FGGY: variants seen among roughly 807,000 people sequenced by gnomAD.
FGGY encodes FGGY carbohydrate kinase domain-containing protein.
A neutral mutation model predicts 71.3 loss-of-function variants in FGGY; 72 were observed. The observed-to-expected ratio is 1.01, with a 90% CI of 0.84 to 1.23. The LOEUF (loss-of-function observed/expected upper bound fraction) is 1.23. FGGY is among the 50% of genes most tolerant of loss of function. FGGY has a pLI of 0.00. For synonymous variants in FGGY, 251 were observed against 250.3 expected, an observed-to-expected ratio of 1.00 and a Z score of -0.02; for missense variants, 668 against 682.3, an observed-to-expected ratio of 0.98 and a Z score of 0.23.
rs79928077 is a variant in FGGY, at chr1:59,710,089, G to A, written c.1512+35956G>A. The stretch of plus-strand genomic sequence containing the variant: ...ACTCACAGATGTGTGGTCAGCAGTG[G>A]GATGGGGCAGCAGAAGACAGGGAGT... On this transcript the variant is annotated intron_variant, in intron 14 of 15. Transcript: ENST00000303721. Among the ~76,000 whole-genome samples the A allele has an allele frequency of 1.8e-3, 273 of 152,322 alleles. 2 individuals are homozygous for A. Among genetic ancestry groups the A allele is most frequent in the Middle Eastern group, 3.4e-3 (1 of 294 alleles).
At chr1:59,638,419 A>C (rs1558633936) in intron 11 of FGGY, 44 bp downstream of exon 11, 2 of 1,594,554 alleles carry the variant, frequency 1.3e-6, no homozygotes, top group Non-Finnish European at 8.5e-7. Flanking sequence ...GGCAGGCCAA[A>C]GGGCTACAAA....
intron 7 of FGGY, among the ~76,000 whole-genome samples, chr1:59,549,407 TTC>T (rs2095573852): frequency 6.6e-6 from 1 of 152,236 alleles, no homozygotes; most frequent in Non-Finnish European, 1.5e-5. Context: ...GAGAATCTTT[TTC>T]AAGATGCCAA....
chr1:59,715,008 C>T (rs998437800), intron 14 of FGGY, among the ~76,000 whole-genome samples: 1 of 152,178 alleles, frequency 6.6e-6, no homozygotes, highest in African/African-American at 2.4e-5. Flanking sequence ...ATTTTGGTGA[C>T]ATTTCTGGAT....
chr1:59,672,864 C>G (rs1273137796), intron 13 of FGGY, among the ~76,000 whole-genome samples: 1 of 152,176 alleles, frequency 6.6e-6, no homozygotes, highest in African/African-American at 2.4e-5. Context: ...ACATTATAGA[C>G]CTAAGAATCC....
At chr1:59,680,981 C>T (rs1018335193) in intron 14 of FGGY, 8 of 152,206 alleles carry the variant, frequency 5.3e-5, no homozygotes, top group African/African-American at 1.9e-4. Flanking sequence ...GTGTCCAACA[C>T]AGAAATAAAA....
chr1:59,522,944 C>G (rs1186819152), intron 7 of FGGY, among the ~76,000 whole-genome samples: 1 of 152,214 alleles, frequency 6.6e-6, no homozygotes, highest in Admixed American at 6.5e-5. Flanking sequence ...CTCTGATCAT[C>G]TCATCTACTA....
At chr1:59,449,252 C>A (rs915878743) in intron 5 of FGGY, among the ~76,000 whole-genome samples, 1 of 151,952 alleles carries the variant, frequency 6.6e-6, no homozygotes, top group Non-Finnish European at 1.5e-5. Context: ...AATATAGCCA[C>A]CTCAGCTTAT....
chr1:59,523,495 G>C (rs1558215054), intron 7 of FGGY, among the ~76,000 whole-genome samples: 1 of 152,150 alleles, frequency 6.6e-6, no homozygotes, highest in Non-Finnish European at 1.5e-5. Flanking sequence ...ATTCATATCA[G>C]TCATTGTAAA....
chr1:59,512,931 C>T (rs2094553040), intron 7 of FGGY, among the ~76,000 whole-genome samples: 2 of 152,122 alleles, frequency 1.3e-5, no homozygotes, highest in Non-Finnish European at 2.9e-5. Context: ...ATAAAACACC[C>T]GTTGAACACT....
chr1:59,366,016 G>A lies in FGGY; in HGVS notation c.466-12733G>A, dbSNP rs553861069. 6.6e-5 allele frequency among the ~76,000 whole-genome samples: 10 copies of A among 152,220 alleles called. No individual in the cohort carries two copies. In the South Asian group the frequency reaches 2.1e-3, roughly 32 times the overall value. ...GAGTTCTTAGACCCCATCTACTTCAGCCTTGTTTTCCTAATACGTACAGTG... is the reference window on the plus strand; with the variant it reads ...GAGTTCTTAGACCCCATCTACTTCAACCTTGTTTTCCTAATACGTACAGTG... On this transcript the variant is annotated intron_variant, in intron 4 of 15. Coordinates refer to ENST00000303721, the MANE Select transcript of FGGY (RefSeq NM_018291.5).
At chr1:59,645,295 C>A (rs889102816) in intron 11 of FGGY, among the ~76,000 whole-genome samples, 1 of 152,190 alleles carries the variant, frequency 6.6e-6, no homozygotes, top group African/African-American at 2.4e-5. Flanking sequence ...GACAGCACAA[C>A]AATGCCCTTG....
intron 5 of FGGY, among the ~76,000 whole-genome samples, chr1:59,430,517 T>G (rs548977822): frequency 2.1e-4 from 32 of 152,322 alleles, no homozygotes; most frequent in African/African-American, 6.5e-4. Flanking sequence ...CAATTGGATT[T>G]TTTTAGGAGC....
intron 4 of FGGY, among the ~76,000 whole-genome samples, chr1:59,371,684 A>C (rs542093609): frequency 3.3e-5 from 5 of 152,332 alleles, no homozygotes; most frequent in African/African-American, 1.2e-4. Flanking sequence ...CAAATGTAAA[A>C]GAACAGAAAT....
At chr1:59,396,354 G>A (rs545518687) in intron 5 of FGGY, among the ~76,000 whole-genome samples, 1 of 152,260 alleles carries the variant, frequency 6.6e-6, no homozygotes, top group African/African-American at 2.4e-5. Flanking sequence ...GAGAAATTTT[G>A]AAGGTTTCAG....
intron 7 of FGGY, among the ~76,000 whole-genome samples, chr1:59,513,495 C>T (rs1251265394): frequency 6.6e-6 from 1 of 152,202 alleles, no homozygotes; most frequent in African/African-American, 2.4e-5. Flanking sequence ...ACTGCAAGAC[C>T]CATATCAGAT....
intron 14 of FGGY, among the ~76,000 whole-genome samples, chr1:59,731,113 AC>A (rs565716517): frequency 6.6e-6 from 1 of 152,224 alleles, no homozygotes; most frequent in Non-Finnish European, 1.5e-5. Flanking sequence ...GGAGCAGAAC[AC>A]ATAAACAGTC....
At chr1:59,422,280 A>G (rs55802608) in intron 5 of FGGY, among the ~76,000 whole-genome samples, 26,062 of 152,170 alleles carry the variant, frequency 0.17, 2,714 homozygotes, top group East Asian at 0.36. Context: ...ACCAGGTTCA[A>G]TGCCTTTTAA....
At chr1:59,350,451 A>G (rs2053045742) in intron 4 of FGGY, among the ~76,000 whole-genome samples, 1 of 152,188 alleles carries the variant, frequency 6.6e-6, no homozygotes. Context: ...GCCTCAAGAT[A>G]TGAGTAGAGG....
intron 8 of FGGY, among the ~76,000 whole-genome samples, chr1:59,561,635 C>T (rs1344526231): frequency 1.3e-5 from 2 of 152,166 alleles, no homozygotes; most frequent in Non-Finnish European, 2.9e-5. Context: ...GTACTAAGCA[C>T]CTTACTAAAA....
Sources: gnomAD v4.1 joint callset for allele counts (sites outside exome capture counted in the v4.1 genomes callset) on GRCh38, gnomAD v4.1.1 for gene constraint, MANE v1.5 for transcripts, NCBI Gene and HGNC (gene_info 2026-07-23, HGNC 2026-07-21) for gene names.